Variants in USP24 observed in about 807,000 individuals in gnomAD.
The protein encoded by USP24 is ubiquitin carboxyl-terminal hydrolase 24.
In USP24, 97 loss-of-function variants were observed where a neutral mutation model predicts 361.6. That is an observed-to-expected ratio of 0.27 (90% CI 0.23 to 0.32). The LOEUF (loss-of-function observed/expected upper bound fraction) is 0.32, where lower values mean the gene tolerates loss of function less well. USP24 is among the 10% of genes least tolerant of loss of function. The pLI is 1.00. For missense variants in USP24, 2,353 were observed against 3,165.6 expected, an observed-to-expected ratio of 0.74 and a Z score of 6.16; for synonymous variants, 1,098 against 1,124.6, an observed-to-expected ratio of 0.98 and a Z score of 0.47.
chr1:55,153,134 A>G (rs772640527), intron 16 of USP24, among the ~76,000 whole-genome samples: 2 of 152,168 alleles, frequency 1.3e-5, no homozygotes, highest in South Asian at 4.1e-4. Context: ...TGCTGCTCCA[A>G]TTAGGGCTGC....
intron 42 of USP24, 145 bp downstream of exon 42, chr1:55,103,731 A>C: frequency 1.2e-6 from 1 of 803,046 alleles, no homozygotes; most frequent in Admixed American, 2.9e-5. Flanking sequence ...TATAGCTTAT[A>C]CTTGATTTGA....
chr1:55,094,766 A>AGATGG (rs1645458316), intron 51 of USP24, among the ~76,000 whole-genome samples: 1 of 151,234 alleles, frequency 6.6e-6, no homozygotes, highest in East Asian at 1.9e-4. Flanking sequence ...TGGGAGGCCT[A>AGATGG]GATGGGAGTA....
intron 1 of USP24, among the ~76,000 whole-genome samples, chr1:55,190,054 A>G (rs1021699024): frequency 6.6e-6 from 1 of 150,426 alleles, no homozygotes; most frequent in African/African-American, 2.4e-5. Flanking sequence ...AATCCCAGCT[A>G]CTTGGGAAGC....
intron 1 of USP24, among the ~76,000 whole-genome samples, chr1:55,194,408 T>C (rs557288918): frequency 6.6e-6 from 1 of 152,260 alleles, no homozygotes; most frequent in Non-Finnish European, 1.5e-5. Flanking sequence ...GGATAATTCA[T>C]CACAGGGCCA....
rs1645185916 is a variant in USP24, at chr1:55,083,200, C to T, written c.6975+72G>A. 6 of 1,445,426 alleles carry T rather than the reference C, an allele frequency of 4.2e-6. 1 individual carries two copies. Among genetic ancestry groups the T allele is most frequent in the Middle Eastern group, 1.8e-4 (1 of 5,694 alleles). The allele number at this position is 1,445,426 out of a possible 1,614,324, so 89.5% of individuals were successfully genotyped here. ...CTTTTATGAAATTAAAAACATTTAT[C>T]ACCTACAAAAAGAAACACAGCGGCT... On this transcript the variant is annotated intron_variant, in intron 58 of 67. Coordinates refer to ENST00000294383, the MANE Select transcript of USP24 (RefSeq NM_015306.3).
chr1:55,150,957 A>G (rs1647177451), intron 16 of USP24, among the ~76,000 whole-genome samples: 2 of 152,200 alleles, frequency 1.3e-5, no homozygotes, highest in South Asian at 4.1e-4. Context: ...CAGTTGGTTT[A>G]GCCTGCAAAC....
chr1:55,202,689 GCCA>G (rs1644607630), intron 1 of USP24, among the ~76,000 whole-genome samples: 1 of 152,192 alleles, frequency 6.6e-6, no homozygotes, highest in South Asian at 2.1e-4. Context: ...ACAGGCGTGA[GCCA>G]CCACATCCGG....
intron 45 of USP24, 56 bp downstream of exon 45, chr1:55,099,715 T>C (rs1242770817): frequency 4.0e-6 from 5 of 1,251,954 alleles, no homozygotes; most frequent in East Asian, 5.1e-5. Context: ...AAGACACTAT[T>C]CTCATACTAT....
At chr1:55,190,534 T>C (rs558097423) in intron 1 of USP24, among the ~76,000 whole-genome samples, 1 of 152,338 alleles carries the variant, frequency 6.6e-6, no homozygotes, top group African/African-American at 2.4e-5. Context: ...ACAGACATAA[T>C]GTATTGAGCT....
chr1:55,070,094 G>A (rs1018764886), intron 67 of USP24, among the ~76,000 whole-genome samples: 7 of 151,910 alleles, frequency 4.6e-5, no homozygotes, highest in Admixed American at 2.0e-4. Context: ...AGAGGGACGA[G>A]CACCCTTTCA....
In USP24 at chr1:55,124,612, TCACTTACTTCCATTGTCTAAAGAATGG is replaced by T. The variant is rs754992554; in HGVS notation, c.3961-11_3976del. On this transcript the variant is annotated splice_acceptor_variant and splice_polypyrimidine_tract_variant and coding_sequence_variant and intron_variant, in exon 35 of 68. Coordinates refer to ENST00000294383, the MANE Select transcript of USP24 (RefSeq NM_015306.3). LOFTEE classifies it high-confidence loss of function. ...GAAGCAAGCCACAGTAGAAGTGAAATCACTTACTTCCATTGTCTAAAGAATGGAACAAGTATTATGAGAAAGAGCAAT... is the reference window on the plus strand; with the variant it reads ...GAAGCAAGCCACAGTAGAAGTGAAATAACAAGTATTATGAGAAAGAGCAAT... The T allele has an allele frequency of 6.2e-7, 1 of 1,613,908 alleles. No homozygotes were observed. Among genetic ancestry groups the T allele is most frequent in the South Asian group, 1.1e-5 (1 of 91,050 alleles).
chr1:55,083,228 G>A (rs1645186396), intron 58 of USP24, 44 bp downstream of exon 58: 3 of 1,584,102 alleles, frequency 1.9e-6, no homozygotes, highest in Non-Finnish European at 2.6e-6. Flanking sequence ...CAGCGGCTAT[G>A]AAAACCATAG....
intron 3 of USP24, among the ~76,000 whole-genome samples, chr1:55,176,156 A>G (rs1649959660): frequency 6.6e-6 from 1 of 152,234 alleles, no homozygotes; most frequent in Non-Finnish European, 1.5e-5. Flanking sequence ...TAAAAGTTAT[A>G]TTTAACCAAA....
At chr1:55,093,360 G>T (rs1363733172) in intron 52 of USP24, among the ~76,000 whole-genome samples, 2 of 152,200 alleles carry the variant, frequency 1.3e-5, no homozygotes, top group Non-Finnish European at 2.9e-5. Flanking sequence ...AGTGTATAAA[G>T]TCTGGACTGA....
At chr1:55,192,059 G>T (rs1489748223) in intron 1 of USP24, among the ~76,000 whole-genome samples, 1 of 152,170 alleles carries the variant, frequency 6.6e-6, no homozygotes, top group African/African-American at 2.4e-5. Flanking sequence ...CTAACTGGGA[G>T]TTAAGTACAC....
intron 38 of USP24, among the ~76,000 whole-genome samples, chr1:55,112,126 T>TG (rs1365251069): frequency 2.6e-5 from 4 of 152,122 alleles, no homozygotes; most frequent in African/African-American, 4.8e-5. Context: ...AAATACAACT[T>TG]GCCAAAAATT....
At chr1:55,133,970 G>T in intron 30 of USP24, 100 bp downstream of exon 30, 1 of 1,081,908 alleles carries the variant, frequency 9.2e-7, no homozygotes, top group Non-Finnish European at 1.4e-6. Context: ...AAACATTATG[G>T]GAAAGATGGT....
chr1:55,089,553 G>A, intron 55 of USP24, 74 bp downstream of exon 55: 3 of 968,774 alleles, frequency 3.1e-6, no homozygotes, highest in Middle Eastern at 2.9e-4. Context: ...AATAAAAAGG[G>A]TTATAAGAAA....
chr1:55,191,078 C>T (rs756029992), intron 1 of USP24, among the ~76,000 whole-genome samples: 12 of 152,020 alleles, frequency 7.9e-5, no homozygotes, highest in Admixed American at 1.3e-4. Flanking sequence ...AGCTCTGGCA[C>T]GAAGGTAGAA....
Sources: allele counts gnomAD v4.1 joint callset (sites outside exome capture counted in the v4.1 genomes callset), GRCh38; gene constraint gnomAD v4.1.1; transcripts MANE v1.5; gene names NCBI Gene and HGNC (gene_info 2026-07-23, HGNC 2026-07-21).